LCMT1: variants seen among roughly 807,000 people sequenced by gnomAD.
LCMT1 encodes [Phosphatase 2A protein]-leucine-carboxy methyltransferase 1.
Under a neutral mutation model 47.7 loss-of-function variants are expected in LCMT1, and 32 were observed. The ratio of observed to expected loss-of-function variants is 0.67; its 90% CI spans 0.51 to 0.90. LCMT1 has a LOEUF of 0.90. Ranked by LOEUF, LCMT1 falls within the 40% of genes least tolerant of loss-of-function variation. The pLI is 0.00. For missense variants in LCMT1, 375 were observed against 415.2 expected (o/e 0.90, Z 0.84); for synonymous variants, 152 against 149.7 (o/e 1.02, Z -0.11).
intron 1 of LCMT1, among the ~76,000 whole-genome samples, chr16:25,119,634 A>G (rs1032930611): frequency 5.3e-5 from 8 of 152,070 alleles, no homozygotes; most frequent in African/African-American, 1.9e-4. Flanking sequence ...CTGCATGGAA[A>G]AATGTTCTCC....
intron 3 of LCMT1, among the ~76,000 whole-genome samples, chr16:25,136,238 G>A (rs1301678496): frequency 6.6e-6 from 1 of 151,968 alleles, no homozygotes; most frequent in African/African-American, 2.4e-5. Context: ...GTGGAGGGAA[G>A]CAGGGTCAAT....
chr16:25,112,252 C>G (rs1340522784), intron 1 of LCMT1, among the ~76,000 whole-genome samples: 1 of 152,210 alleles, frequency 6.6e-6, no homozygotes, highest in Non-Finnish European at 1.5e-5. Flanking sequence ...GCCAGACAGA[C>G]GAGGCCTTGG....
intron 9 of LCMT1, among the ~76,000 whole-genome samples, chr16:25,171,121 A>G (rs774624892): frequency 1.8e-4 from 28 of 151,544 alleles, no homozygotes; most frequent in Admixed American, 6.0e-4. Context: ...TTATAATGCC[A>G]ACTACTTGGG....
At chr16:25,134,059 C>T (rs1960432864) in intron 3 of LCMT1, among the ~76,000 whole-genome samples, 1 of 149,692 alleles carries the variant, frequency 6.7e-6, no homozygotes, top group Non-Finnish European at 1.5e-5. Context: ...AAAGTCCTCA[C>T]TAATTGCATT....
Position 25,164,702 on chromosome 16 carries a change from T to A in LCMT1, c.674T>A (p.Phe225Tyr), listed in dbSNP as rs1360876231. 1 of 1,614,032 alleles carries A rather than the reference T, an allele frequency of 6.2e-7. No individual in the cohort carries two copies. The highest frequency in any genetic ancestry group is 2.2e-5 in the East Asian group (1 of 44,892). ...GCCAACAGTTTTGAGAGAGCCATGT[T>A]CATAAACTACGAACAGGTAAAAGGA... is the stretch of plus-strand genomic sequence containing the variant. ...WAANSFERAM[F>Y]INYEQVNMGD... The change falls in exon 7 of 11, where the codon TTC becomes TAC. Residue 225 changes from phenylalanine to tyrosine, a missense_variant. Transcript: ENST00000399069.
Position 25,177,182 on chromosome 16 carries a change from GA to G in LCMT1, c.983-807del, listed in dbSNP as rs1244581268. Among the ~76,000 whole-genome samples the G allele has an allele frequency of 3.4e-3, 473 of 140,792 alleles. 2 individuals carry two copies. Among genetic ancestry groups the G allele is most frequent in the African/African-American group, 0.011 (436 of 38,508 alleles). 92.4% of individuals were successfully genotyped at this position (140,792 alleles called of 152,430 possible). A position where few individuals can be genotyped will look rare whatever the true frequency, so the allele number is the denominator to read the frequency against. On this transcript the variant is annotated intron_variant, in intron 10 of 10. Transcript: ENST00000399069. ...GCAACAGAGCGCGACTCTGTCTCCA[GA>G]AAAAAAAAAAAGTCACTTATTGGGG...
At chr16:25,127,069 T>G (rs1159575958) in intron 1 of LCMT1, among the ~76,000 whole-genome samples, 2 of 152,136 alleles carry the variant, frequency 1.3e-5, no homozygotes, top group African/African-American at 4.8e-5. Flanking sequence ...AACACACACT[T>G]GAAACAAAAG....
At chr16:25,160,796 G>A (rs180872217) in intron 5 of LCMT1, 2 of 562,898 alleles carry the variant, frequency 3.6e-6, no homozygotes, top group East Asian at 4.4e-5. Flanking sequence ...ATATTGGGTG[G>A]TCCCATTTTC....
At position 25,175,206 on chromosome 16, in the gene LCMT1, G is replaced by A. The variant is rs112612779; in HGVS notation, c.982+172G>A. ...ACCCAGGCTAGAGTGCAGTGGCACGGTCATAGCTCATTGCAGCCTTCAATT... is the reference window on the plus strand; with the variant it reads ...ACCCAGGCTAGAGTGCAGTGGCACGATCATAGCTCATTGCAGCCTTCAATT... On this transcript the variant is annotated intron_variant, in intron 10 of 10. Transcript: ENST00000399069. Among the ~76,000 whole-genome samples the A allele has an allele frequency of 3.3e-3, 506 of 152,188 alleles. 2 individuals are homozygous for A. Among genetic ancestry groups the A allele is most frequent in the African/African-American group, 0.012 (487 of 41,524 alleles).
At chr16:25,126,161 T>A in intron 1 of LCMT1, 1 of 1,346,776 alleles carries the variant, frequency 7.4e-7, no homozygotes, top group South Asian at 1.1e-5. Flanking sequence ...TGGGAGCCGG[T>A]GGGAGTTGCT....
intron 1 of LCMT1, among the ~76,000 whole-genome samples, chr16:25,116,206 G>A (rs1597554130): frequency 6.6e-6 from 1 of 152,312 alleles, no homozygotes; most frequent in Non-Finnish European, 1.5e-5. Flanking sequence ...GATTTTCTCT[G>A]TGTTGAGTAC....
At chr16:25,146,305 A>C (rs1245396652) in intron 4 of LCMT1, 1 of 152,434 alleles carries the variant, frequency 6.6e-6, no homozygotes, top group East Asian at 1.9e-4. Flanking sequence ...AGTGTGCTGC[A>C]GTCAGAGCCA....
intron 1 of LCMT1, among the ~76,000 whole-genome samples, chr16:25,115,270 T>C (rs141620674): frequency 1.1e-4 from 17 of 152,370 alleles, no homozygotes; most frequent in African/African-American, 3.8e-4. Context: ...TGCTGTTACC[T>C]CTTAATTGAT....
intron 9 of LCMT1, among the ~76,000 whole-genome samples, chr16:25,173,312 A>G (rs1435595592): frequency 1.3e-5 from 2 of 151,714 alleles, no homozygotes; most frequent in Non-Finnish European, 2.9e-5. Context: ...GTTCTTGGTA[A>G]TAACCATCCT....
intron 2 of LCMT1, among the ~76,000 whole-genome samples, chr16:25,131,624 A>T (rs1287333415): frequency 6.6e-6 from 1 of 152,216 alleles, no homozygotes; most frequent in African/African-American, 2.4e-5. Flanking sequence ...GTTAACAGCC[A>T]TGCACATACT....
chr16:25,130,107 G>A (rs561096423), intron 2 of LCMT1, among the ~76,000 whole-genome samples: 22 of 152,262 alleles, frequency 1.4e-4, no homozygotes, highest in African/African-American at 5.3e-4. Flanking sequence ...TTGGGAGGCC[G>A]AGGCGGGCGG....
At chr16:25,174,817 T>C in intron 9 of LCMT1, 120 bp from the exon 10 acceptor site, 1 of 458,936 alleles carries the variant, frequency 2.2e-6, no homozygotes, top group Non-Finnish European at 3.8e-6. Context: ...ATTACTATTT[T>C]ATAGCCGCCT....
chr16:25,170,751 C>G lies in LCMT1; in HGVS notation c.830C>G (p.Ser277Trp), dbSNP rs771771338. 1 of 1,613,376 alleles carries G rather than the reference C, an allele frequency of 6.2e-7. No individual in the cohort carries two copies. Among genetic ancestry groups the G allele is most frequent in the Non-Finnish European group, 8.5e-7 (1 of 1,179,506 alleles). The part of the protein sequence containing the change: ...RLLSNGWETA[S>W]AVDMMELYNR... Reference sequence around the variant, plus strand: ...CTGTCGAATGGGTGGGAAACAGCATCGGCCGTCGACATGATGGAGTTGTAC... The same window carrying G: ...CTGTCGAATGGGTGGGAAACAGCATGGGCCGTCGACATGATGGAGTTGTAC... The change falls in exon 9 of 11, where the codon TCG becomes TGG. Residue 277 changes from serine (S) to tryptophan (W), a missense_variant. Transcript: ENST00000399069.
At chr16:25,151,500 G>A in intron 4 of LCMT1, 54 bp from the exon 5 acceptor site, 1 of 1,420,340 alleles carries the variant, frequency 7.0e-7, no homozygotes, top group Non-Finnish European at 9.9e-7. Flanking sequence ...GAGCTCATGA[G>A]TAAATTGAGG....
Sources: gnomAD v4.1 joint callset for allele counts (sites outside exome capture counted in the v4.1 genomes callset) on GRCh38, gnomAD v4.1.1 for gene constraint, MANE v1.5 for transcripts, NCBI Gene and HGNC (gene_info 2026-07-23, HGNC 2026-07-21) for gene names.